SPIDR: variants seen among roughly 807,000 people sequenced by gnomAD.
SPIDR encodes scaffold protein involved in DNA repair, also known as DNA repair-scaffolding protein.
Under a neutral mutation model 104.6 loss-of-function variants are expected in SPIDR, and 93 were observed. That is an observed-to-expected ratio of 0.89 (90% confidence interval 0.75 to 1.06). The LOEUF (loss-of-function observed/expected upper bound fraction) is 1.06. Among genes scored for constraint, SPIDR ranks in the 50% least tolerant of loss-of-function variants. The pLI, the probability that SPIDR is intolerant of heterozygous loss-of-function variation, is 0.00. For synonymous variants in SPIDR, 431 were observed against 416.9 expected (o/e 1.03, Z -0.41); for missense variants, 1,154 against 1,111.2 (o/e 1.04, Z -0.55).
chr8:47,403,177 A>G (rs1391037067), intron 6 of SPIDR, among the ~76,000 whole-genome samples: 1 of 152,236 alleles, frequency 6.6e-6, no homozygotes. Flanking sequence ...AAAACTCTCA[A>G]TAAATTAGGT....
intron 10 of SPIDR, among the ~76,000 whole-genome samples, chr8:47,628,588 G>C (rs1279740159): frequency 1.3e-5 from 2 of 151,956 alleles, no homozygotes; most frequent in East Asian, 1.9e-4. Context: ...TTACCTTCAG[G>C]CTATCTGTAT....
chr8:47,726,878 T>C (rs771123745), intron 16 of SPIDR, among the ~76,000 whole-genome samples: 3 of 152,102 alleles, frequency 2.0e-5, no homozygotes, highest in African/African-American at 4.8e-5. Flanking sequence ...GACCTAAATA[T>C]GCAATATGGG....
rs564386631 is a variant in SPIDR, at chr8:47,704,809, G to A, written c.1977+2794G>A. Among the ~76,000 whole-genome samples the A allele has an allele frequency of 1.6e-4, 25 of 152,264 alleles. 1 individual carries two copies. Among genetic ancestry groups the A allele is most frequent in the Admixed American group, 9.1e-4 (14 of 15,304 alleles). ...GCTCCCTGTGAGCACCCCAGTGTCC[G>A]GCTCAGGAGATAGGAGGATAGGGCT... On this transcript the variant is annotated intron_variant, in intron 14 of 19. Coordinates refer to ENST00000297423, the MANE Select transcript of SPIDR (RefSeq NM_001080394.4).
In SPIDR at chr8:47,405,403, A is replaced by G. The variant is rs141629499; in HGVS notation, c.777-2458A>G. 2.8e-4 allele frequency among the ~76,000 whole-genome samples: 42 copies of G among 152,248 alleles called. No individual in the cohort carries two copies. The East Asian group carries it at 7.1e-3, about 26-fold the overall frequency. ...ACATGTATTCCAGAACTTAAAGTATAATAAAAATAAACCAAAATTTTAAAA... is the reference window on the plus strand; with the variant it reads ...ACATGTATTCCAGAACTTAAAGTATGATAAAAATAAACCAAAATTTTAAAA... On this transcript the variant is annotated intron_variant, in intron 6 of 19. Coordinates refer to ENST00000297423, the MANE Select transcript of SPIDR (RefSeq NM_001080394.4).
intron 5 of SPIDR, among the ~76,000 whole-genome samples, chr8:47,329,073 AT>A (rs781881911): frequency 2.5e-3 from 345 of 140,764 alleles, no homozygotes; most frequent in Middle Eastern, 7.2e-3. Context: ...TGCCTAGCTA[AT>A]TTTTTTTTTT....
chr8:47,614,627 T>C (rs2064043300), intron 10 of SPIDR, among the ~76,000 whole-genome samples: 1 of 152,224 alleles, frequency 6.6e-6, no homozygotes, highest in African/African-American at 2.4e-5. Flanking sequence ...CTGTCTTTGC[T>C]ATTGTGAATA....
intron 8 of SPIDR, among the ~76,000 whole-genome samples, chr8:47,451,571 A>G (rs188982105): frequency 8.0e-6 from 1 of 124,574 alleles, no homozygotes; most frequent in Non-Finnish European, 1.7e-5. Context: ...ACATTGTGAA[A>G]CCCTGCCAAA....
chr8:47,490,935 G>A (rs995674100), intron 8 of SPIDR, among the ~76,000 whole-genome samples: 2 of 152,156 alleles, frequency 1.3e-5, no homozygotes, highest in Non-Finnish European at 2.9e-5. Flanking sequence ...TGTGGCACAT[G>A]TATACATATG....
chr8:47,309,440 G>A (rs1554583531), intron 5 of SPIDR, among the ~76,000 whole-genome samples: 3 of 152,176 alleles, frequency 2.0e-5, no homozygotes, highest in African/African-American at 7.2e-5. Context: ...GTGAGTAACT[G>A]TAGGTACCAA....
intron 8 of SPIDR, chr8:47,547,237 G>C: frequency 1.6e-6 from 1 of 626,548 alleles, no homozygotes; most frequent in Non-Finnish European, 3.1e-6. Context: ...CTTGTACTTG[G>C]GCTCCTCAGG....
intron 10 of SPIDR, among the ~76,000 whole-genome samples, chr8:47,652,462 C>T (rs1282765903): frequency 6.6e-6 from 1 of 152,094 alleles, no homozygotes; most frequent in East Asian, 1.9e-4. Flanking sequence ...CCAAGGTGGG[C>T]GGGCTGGAAA....
chr8:47,697,119 G>C (rs1020621184), intron 11 of SPIDR, among the ~76,000 whole-genome samples: 3 of 151,808 alleles, frequency 2.0e-5, no homozygotes, highest in African/African-American at 7.3e-5. Context: ...TTTTATAAGT[G>C]AGAACATGTT....
At position 47,713,003 on chromosome 8, in the gene SPIDR, T is replaced by C; in HGVS notation, c.2188+131T>C. ...ACCTTCACGGAGCCCATCACAGACA[T>C]GGCCCATGTACCAGCCTCCAGCCTT... On this transcript the variant is annotated intron_variant, in intron 15 of 19. Transcript: ENST00000297423. The C allele has an allele frequency of 5.4e-6, 8 of 1,475,052 alleles. No individual in the cohort carries two copies. In the South Asian group the frequency reaches 8.3e-5, roughly 15 times the overall value. 91.4% of individuals were successfully genotyped at this position (1,475,052 alleles called of 1,614,324 possible).
At chr8:47,461,091 T>A (rs1408023680) in intron 8 of SPIDR, among the ~76,000 whole-genome samples, 1 of 152,196 alleles carries the variant, frequency 6.6e-6, no homozygotes, top group African/African-American at 2.4e-5. Flanking sequence ...GCTCTTAAGA[T>A]TCTTCATTTT....
In SPIDR at chr8:47,537,084, G is replaced by A. The variant is rs189432077; in HGVS notation, c.1098-58727G>A. Among the ~76,000 whole-genome samples the A allele has an allele frequency of 3.9e-5, 6 of 152,318 alleles. No homozygotes were observed. The East Asian group carries it at 1.2e-3, about 29-fold the overall frequency. On this transcript the variant is annotated intron_variant, in intron 8 of 19. Coordinates refer to ENST00000297423, the MANE Select transcript of SPIDR (RefSeq NM_001080394.4). ...AACACCAAATGTAGGGAAGGATATG[G>A]AAGAACAGAACTATCATTCATTGCT...
intron 14 of SPIDR, among the ~76,000 whole-genome samples, chr8:47,708,525 C>T (rs943223525): frequency 6.6e-6 from 1 of 152,114 alleles, no homozygotes; most frequent in African/African-American, 2.4e-5. Flanking sequence ...ATTGACACAT[C>T]GTACTCACCC....
intron 8 of SPIDR, among the ~76,000 whole-genome samples, chr8:47,564,226 A>C (rs980493538): frequency 4.0e-5 from 6 of 151,590 alleles, no homozygotes; most frequent in Non-Finnish European, 5.9e-5. Context: ...CTACAGGTGC[A>C]TACCACCATG....
At chr8:47,678,735 C>G (rs534522673) in intron 11 of SPIDR, among the ~76,000 whole-genome samples, 56 of 152,214 alleles carry the variant, frequency 3.7e-4, no homozygotes, top group African/African-American at 1.3e-3. Context: ...TGAGGCAAGG[C>G]GAGGACCACT....
At chr8:47,307,087 A>G (rs1277317871) in intron 5 of SPIDR, among the ~76,000 whole-genome samples, 1 of 152,138 alleles carries the variant, frequency 6.6e-6, no homozygotes, top group Non-Finnish European at 1.5e-5. Context: ...TTATTTGTAC[A>G]GAAGGATTTC....
Sources: allele counts gnomAD v4.1 joint callset (sites outside exome capture counted in the v4.1 genomes callset), GRCh38; gene constraint gnomAD v4.1.1; transcripts MANE v1.5; gene names NCBI Gene and HGNC (gene_info 2026-07-23, HGNC 2026-07-21).